MEGF10: variants seen among roughly 807,000 people sequenced by gnomAD.
The protein encoded by MEGF10 is multiple EGF like domains 10.
In MEGF10, 86 loss-of-function variants were observed where a neutral mutation model predicts 147.5. That is an observed-to-expected ratio of 0.58 (90% CI 0.49 to 0.70). The LOEUF is 0.70. Among genes scored for constraint, MEGF10 ranks in the 30% least tolerant of loss-of-function variants. The probability of loss-of-function intolerance (pLI) is 0.00; values close to 1 mark genes in which losing one functional copy is unlikely to be tolerated. For missense variants in MEGF10, 1,329 were observed against 1,487.3 expected, an observed-to-expected ratio of 0.89 and a Z score of 1.75; for synonymous variants, 478 against 525.5, an observed-to-expected ratio of 0.91 and a Z score of 1.24.
chr5:127,300,240 A>G (rs1759708533), intron 1 of MEGF10, among the ~76,000 whole-genome samples: 1 of 152,200 alleles, frequency 6.6e-6, no homozygotes, highest in Non-Finnish European at 1.5e-5. Context: ...ATTTGTTGCC[A>G]TTAGGCCTGT....
At chr5:127,409,398 C>G (rs1187694961) in intron 8 of MEGF10, among the ~76,000 whole-genome samples, 1 of 152,230 alleles carries the variant, frequency 6.6e-6, no homozygotes, top group Non-Finnish European at 1.5e-5. Context: ...GGGCAAAGCC[C>G]TGTCTCCTTC....
intron 1 of MEGF10, among the ~76,000 whole-genome samples, chr5:127,318,921 A>G (rs1760678067): frequency 6.6e-6 from 1 of 152,152 alleles, no homozygotes; most frequent in Non-Finnish European, 1.5e-5. Flanking sequence ...TTCCTGAAAA[A>G]CCTGTGACTT....
At chr5:127,256,119 T>C in the MEGF10 span, among the ~76,000 whole-genome samples, 1 of 152,220 alleles carries the variant, frequency 6.6e-6, no homozygotes. Context: ...CATCTGTGCC[T>C]GTAAGTTAAA....
In MEGF10 at chr5:127,443,016, A is replaced by G. The variant is rs1006565229; in HGVS notation, c.2381A>G (p.Tyr794Cys). The G allele has an allele frequency of 3.7e-6, 6 of 1,613,012 alleles. No homozygotes were observed. The highest frequency in any genetic ancestry group is 5.1e-6 in the Non-Finnish European group (6 of 1,179,378). The change falls in exon 19 of 25, where the codon TAT (tyrosine) becomes TGT (cysteine). Residue 794 changes from tyrosine (Y) to cysteine (C), a missense_variant. By Grantham distance (194) the Tyr-to-Cys change is radical (BLOSUM62 -2). Around this residue, in one of 3 missense-constraint regions of MEGF10, gnomAD observed 980 missense variants for 1,085.9 expected, o/e 0.90. Transcript: ENST00000503335. ...HCEQKCPSGT[Y>C]GYGCRQICDC... ...TCTCTAGAGTGCCCTTCAGGAACAT[A>G]TGGCTATGGCTGTCGCCAGATATGT... is the stretch of plus-strand genomic sequence containing the variant.
intron 22 of MEGF10, among the ~76,000 whole-genome samples, chr5:127,454,224 C>A (rs543530532): frequency 1.3e-5 from 2 of 152,210 alleles, no homozygotes; most frequent in South Asian, 4.1e-4. Context: ...AAGAGCTGCA[C>A]GTAGGTATGA....
At chr5:127,436,803 T>C (rs754641988) in intron 16 of MEGF10, among the ~76,000 whole-genome samples, 1 of 152,218 alleles carries the variant, frequency 6.6e-6, no homozygotes, top group Non-Finnish European at 1.5e-5. Flanking sequence ...ATTGATTTCA[T>C]TGATTCCCTT....
At chr5:127,424,116 T>A (rs1438965625) in intron 13 of MEGF10, among the ~76,000 whole-genome samples, 2 of 152,236 alleles carry the variant, frequency 1.3e-5, no homozygotes, top group East Asian at 3.8e-4. Flanking sequence ...CAGCACTATT[T>A]GTGAAAAGGC....
intron 1 of MEGF10, among the ~76,000 whole-genome samples, chr5:127,325,194 C>G (rs1445896927): frequency 6.6e-6 from 1 of 152,124 alleles, no homozygotes; most frequent in Admixed American, 6.6e-5. Flanking sequence ...CTTCATAGCT[C>G]TTGTTGGCTT....
chr5:127,328,555 G>A (rs1761132959), intron 1 of MEGF10, among the ~76,000 whole-genome samples: 1 of 152,168 alleles, frequency 6.6e-6, no homozygotes, highest in Admixed American at 6.5e-5. Context: ...AAAGCAAGAA[G>A]AGAAACCAGA....
intron 5 of MEGF10, among the ~76,000 whole-genome samples, chr5:127,375,369 A>C (rs976144221): frequency 1.3e-5 from 2 of 152,248 alleles, no homozygotes; most frequent in African/African-American, 4.8e-5. Flanking sequence ...ACAAACAGTC[A>C]GTGTTCCTGG....
chr5:127,431,543 A>G (rs1280736868), intron 13 of MEGF10, among the ~76,000 whole-genome samples: 1 of 152,242 alleles, frequency 6.6e-6, no homozygotes, highest in East Asian at 1.9e-4. Context: ...GATCAGTCAG[A>G]TTAACAGGAT....
chr5:127,240,118 G>T, the MEGF10 span, among the ~76,000 whole-genome samples: 1 of 152,182 alleles, frequency 6.6e-6, no homozygotes, highest in Admixed American at 6.5e-5. Context: ...GGCAGTTTTA[G>T]GTCTCTTATT....
intron 1 of MEGF10, among the ~76,000 whole-genome samples, chr5:127,294,069 C>T (rs17165105): frequency 0.067 from 10,186 of 152,220 alleles, 439 homozygotes; most frequent in African/African-American, 0.12. Context: ...GTCTTTGACC[C>T]TCTTTCCTGT....
chr5:127,423,253 G>T (rs759036743), intron 13 of MEGF10, among the ~76,000 whole-genome samples: 1 of 152,036 alleles, frequency 6.6e-6, no homozygotes. Context: ...CTTTTTTTAC[G>T]ATAATGTTCT....
chr5:127,412,131 C>A (rs1764593466), intron 9 of MEGF10, among the ~76,000 whole-genome samples: 1 of 152,102 alleles, frequency 6.6e-6, no homozygotes. Flanking sequence ...TATGTGTTAA[C>A]AAAGAAGTAC....
the MEGF10 span, among the ~76,000 whole-genome samples, chr5:127,281,982 A>G: frequency 2.0e-5 from 3 of 152,322 alleles, no homozygotes; most frequent in African/African-American, 7.2e-5. Flanking sequence ...TTTTTGCCTC[A>G]CCAAACAATG....
intron 9 of MEGF10, among the ~76,000 whole-genome samples, 168 bp from the exon 10 acceptor site, chr5:127,417,470 A>G (rs1400557178): frequency 6.6e-6 from 1 of 152,248 alleles, no homozygotes; most frequent in African/African-American, 2.4e-5. Flanking sequence ...AGTACCCATC[A>G]GGTTTCAGCC....
At chr5:127,272,647 C>G in the MEGF10 span, among the ~76,000 whole-genome samples, 2 of 152,084 alleles carry the variant, frequency 1.3e-5, no homozygotes, top group African/African-American at 4.8e-5. Flanking sequence ...CCTTCATTTC[C>G]CTTGTTAGCT....
intron 24 of MEGF10, 118 bp from the exon 25 acceptor site, chr5:127,457,010 C>A (rs1420240986): frequency 4.8e-6 from 5 of 1,034,192 alleles, no homozygotes; most frequent in Non-Finnish European, 6.8e-6. Flanking sequence ...TTAAAACCAG[C>A]ATTTCCTTAT....
Sources: gnomAD v4.1 joint callset for allele counts (sites outside exome capture counted in the v4.1 genomes callset) on GRCh38, gnomAD v4.1.1 for gene constraint, gnomAD v4.1.1 regional missense constraint, MANE v1.5 for transcripts, NCBI Gene and HGNC (gene_info 2026-07-23, HGNC 2026-07-21) for gene names.